The following PCDHA6 variants were observed in gnomAD, a reference collection of about 807,000 sequenced individuals.
PCDHA6 encodes protocadherin alpha-6.
A neutral mutation model predicts 60.3 loss-of-function variants in PCDHA6; 55 were observed. The observed-to-expected ratio is 0.91, with a 90% confidence interval of 0.73 to 1.14. PCDHA6 has a LOEUF of 1.14. PCDHA6 is among the 50% of genes most tolerant of loss of function. The pLI is 0.00. For missense variants in PCDHA6, 1,327 were observed against 1,256.5 expected, an observed-to-expected ratio of 1.06 and a Z score of -0.85; for synonymous variants, 652 against 557.9, an observed-to-expected ratio of 1.17 and a Z score of -2.38.
chr5:140,922,950 T>G (rs928008081), intron 1 of PCDHA6, among the ~76,000 whole-genome samples: 6 of 152,208 alleles, frequency 3.9e-5, no homozygotes, highest in Non-Finnish European at 5.9e-5. Flanking sequence ...GGAAATCCAG[T>G]TTGTCTTCAG....
Position 140,858,304 on chromosome 5 carries a change from G to A in PCDHA6, c.2394+27819G>A, listed in dbSNP as rs1370473412. 5 of 1,597,320 alleles carry A rather than the reference G, an allele frequency of 3.1e-6. No homozygotes were observed. In the African/African-American group the frequency reaches 6.7e-5, roughly 21 times the overall value. ...GGAGCTGGTCTTACTCGCAGCAGAG[G>A]CGGCAGAGGGTGTGTTCTGGGGAGG... On this transcript the variant is annotated intron_variant, in intron 1 of 3. Transcript: ENST00000529310.
At chr5:140,836,364 G>A (rs1774415317) in intron 1 of PCDHA6, 1 of 1,613,596 alleles carries the variant, frequency 6.2e-7, no homozygotes, top group Admixed American at 1.7e-5. Context: ...CTCGCTGACA[G>A]CCACAGCCAC....
intron 1 of PCDHA6, among the ~76,000 whole-genome samples, chr5:140,918,373 C>A (rs1459758959): frequency 6.6e-6 from 1 of 152,056 alleles, no homozygotes; most frequent in Non-Finnish European, 1.5e-5. Context: ...TATTTGGATG[C>A]CTTTTATTTC....
chr5:140,828,867 C>A lies in PCDHA6; in HGVS notation c.776C>A (p.Thr259Lys). Residue 259 changes from threonine to lysine, a missense_variant, in exon 1 of 4, where the codon ACA becomes AAA. Physicochemically the swap from Thr to Lys is moderately conservative, Grantham distance 78 (BLOSUM62 -1). Transcript: ENST00000529310. Reference sequence around the variant, plus strand: ...ATATTCGAAAATGCAGACAACGGAACAACAGTTATCAGACTGAATGCTTCT... The same window carrying A: ...ATATTCGAAAATGCAGACAACGGAAAAACAGTTATCAGACTGAATGCTTCT... ...VRIFENADNG[T>K]TVIRLNASDR... 3 of 1,614,214 alleles carry A rather than the reference C, an allele frequency of 1.9e-6. No individual in the cohort carries two copies. Among genetic ancestry groups the A allele is most frequent in the South Asian group, 1.1e-5 (1 of 91,086 alleles).
At chr5:140,927,590 T>C (rs782100491) in intron 1 of PCDHA6, 21 of 1,614,058 alleles carry the variant, frequency 1.3e-5, no homozygotes, top group Non-Finnish European at 1.4e-5. Flanking sequence ...GCGCCTGTAT[T>C]TGAGCGCTCC....
intron 3 of PCDHA6, among the ~76,000 whole-genome samples, chr5:140,987,213 CAA>C (rs58319157): frequency 9.3e-5 from 11 of 118,826 alleles, no homozygotes; most frequent in African/African-American, 1.6e-4. Flanking sequence ...GACTCCATCT[CAA>C]AAAAAAAAAA....
intron 1 of PCDHA6, among the ~76,000 whole-genome samples, chr5:140,908,585 G>A (rs782742805): frequency 3.9e-5 from 6 of 152,160 alleles, no homozygotes; most frequent in South Asian, 4.1e-4. Flanking sequence ...AGAGTAGTTA[G>A]CTGCAGAAGA....
chr5:140,903,642 A>G (rs1583499752), intron 1 of PCDHA6, among the ~76,000 whole-genome samples: 2 of 152,374 alleles, frequency 1.3e-5, no homozygotes, highest in East Asian at 3.8e-4. Context: ...CATATACCAT[A>G]TACATATATT....
chr5:140,877,684 A>T, intron 1 of PCDHA6: 1 of 1,613,768 alleles, frequency 6.2e-7, no homozygotes, highest in Non-Finnish European at 8.5e-7. Context: ...GGGCAAGCCC[A>T]CGCTGGTGTG....
intron 1 of PCDHA6, chr5:140,870,016 G>T (rs1554163708): frequency 6.2e-7 from 1 of 1,613,566 alleles, no homozygotes; most frequent in African/African-American, 1.3e-5. Flanking sequence ...GAGGGTCAAT[G>T]GAACTTTAGA....
chr5:140,854,133 G>A (rs1220974907), intron 1 of PCDHA6: 1 of 410,736 alleles, frequency 2.4e-6, no homozygotes, highest in Non-Finnish European at 3.2e-6. Flanking sequence ...CTGCATTTCA[G>A]CCCGGGTGAC....
chr5:140,851,265 CTTGTA>C, intron 1 of PCDHA6: 1 of 1,075,054 alleles, frequency 9.3e-7, no homozygotes, highest in Non-Finnish European at 1.2e-6. Flanking sequence ...TTTTAGTCTA[CTTGTA>C]TTGTTTATAA....
rs782133089 is a variant in PCDHA6, at chr5:140,924,894, CAAA to C, written c.2395-54046_2395-54044del. Reference sequence around the variant, plus strand: ...TGGGTGACAGAGCAAGAACCTGTCTCAAAAAAAAAAATAAAATAAAATAAAATA... The same window carrying C: ...TGGGTGACAGAGCAAGAACCTGTCTCAAAAAAAATAAAATAAAATAAAATA... On this transcript the variant is annotated intron_variant, in intron 1 of 3. Transcript: ENST00000529310. Among the ~76,000 whole-genome samples the C allele has an allele frequency of 6.8e-3, 488 of 71,480 alleles. 13 individuals carry two copies. Among genetic ancestry groups the C allele is most frequent in the East Asian group, 0.051 (79 of 1,534 alleles). The allele number at this position is 71,480 out of a possible 152,430, so 46.9% of individuals were successfully genotyped here. A position where few individuals can be genotyped will look rare whatever the true frequency, so the allele number is the denominator to read the frequency against.
chr5:140,868,990 G>A (rs1554162367), intron 1 of PCDHA6: 39 of 1,511,606 alleles, frequency 2.6e-5, no homozygotes, highest in Non-Finnish European at 2.4e-5. Flanking sequence ...GGATGCCACC[G>A]TTTAAGGATC....
intron 1 of PCDHA6, chr5:140,835,634 T>C (rs2150240136): frequency 3.1e-6 from 5 of 1,613,808 alleles, no homozygotes; most frequent in East Asian, 2.2e-5. Context: ...ACCGCGAGAG[T>C]GTGTCCGCCT....
Position 140,828,540 on chromosome 5 carries a change from C to G in PCDHA6, c.449C>G (p.Ser150Cys). 1 of 1,614,252 alleles carries G rather than the reference C, an allele frequency of 6.2e-7. No homozygotes were observed. The highest frequency in any genetic ancestry group is 8.5e-7 in the Non-Finnish European group (1 of 1,180,038). Residue 150 changes from serine to cysteine, a missense_variant, in exon 1 of 4, where the codon TCT becomes TGT. Physicochemically the swap from Ser to Cys is moderately radical, Grantham distance 112 (BLOSUM62 -1). Transcript: ENST00000529310. Reference sequence around the variant, plus strand: ...ATTTACGAATCTAGGCTGCCAGATTCTGTGTTTCCACTGGAGGGCGCGTCC... The same window carrying G: ...ATTTACGAATCTAGGCTGCCAGATTGTGTGTTTCCACTGGAGGGCGCGTCC... Reference protein sequence around the residue: ...VLIYESRLPDSVFPLEGASDA... With the variant: ...VLIYESRLPDCVFPLEGASDA...
Position 141,010,110 on chromosome 5 carries a change from A to C in PCDHA6, c.*173A>C. On this transcript the variant is annotated 3_prime_UTR_variant, in exon 4 of 4. Coordinates refer to ENST00000529310, the MANE Select transcript of PCDHA6 (RefSeq NM_018909.4). ...GAACGCATTTAACAGGTTTTGTCGT[A>C]AAAGCTTTACTAAGTCTGGTGTTAA... 6.2e-7 allele frequency: 1 copy of C among 1,611,166 alleles called. No individual in the cohort carries two copies. The highest frequency in any genetic ancestry group is 8.5e-7 in the Non-Finnish European group (1 of 1,178,396).
At chr5:140,939,603 CAG>C (rs2092419919) in intron 1 of PCDHA6, among the ~76,000 whole-genome samples, 2 of 152,068 alleles carry the variant, frequency 1.3e-5, no homozygotes, top group Non-Finnish European at 2.9e-5. Flanking sequence ...TGCTCAAAAA[CAG>C]AACAAGGAGA....
At chr5:140,883,522 A>G in intron 1 of PCDHA6, 1 of 1,614,220 alleles carries the variant, frequency 6.2e-7, no homozygotes, top group Middle Eastern at 1.7e-4. Flanking sequence ...GCGAGAGCGT[A>G]TCAGCCTATG....
Sources: allele counts gnomAD v4.1 joint callset (sites outside exome capture counted in the v4.1 genomes callset), GRCh38; gene constraint gnomAD v4.1.1; transcripts MANE v1.5; gene names NCBI Gene and HGNC (gene_info 2026-07-23, HGNC 2026-07-21).